RAB3C: variants seen among roughly 807,000 people sequenced by gnomAD.
The protein encoded by RAB3C is ras-related protein Rab-3C.
RAB3C carries 17 observed loss-of-function variants against 26.4 expected under a neutral mutation model. The ratio of observed to expected loss-of-function variants is 0.64; its 90% CI spans 0.44 to 0.97. RAB3C has a LOEUF of 0.97. Ranked by LOEUF, RAB3C falls within the 50% of genes least tolerant of loss-of-function variation. The pLI is 0.00. For missense variants in RAB3C, 242 were observed against 281.9 expected, an observed-to-expected ratio of 0.86 and a Z score of 1.01; for synonymous variants, 91 against 95.9, an observed-to-expected ratio of 0.95 and a Z score of 0.30.
intron 3 of RAB3C, among the ~76,000 whole-genome samples, chr5:58,736,335 T>C (rs1402614993): frequency 2.6e-5 from 4 of 152,332 alleles, no homozygotes; most frequent in East Asian, 1.9e-4. Context: ...ATACATGCAA[T>C]GTGTGTTCAA....
At chr5:58,684,735 G>A (rs1428356021) in intron 2 of RAB3C, among the ~76,000 whole-genome samples, 2 of 152,104 alleles carry the variant, frequency 1.3e-5, no homozygotes, top group Non-Finnish European at 2.9e-5. Flanking sequence ...CTGGCTTTCT[G>A]GGGGATCAGA....
chr5:58,734,441 CAG>C, intron 3 of RAB3C, among the ~76,000 whole-genome samples: 1 of 152,110 alleles, frequency 6.6e-6, no homozygotes, highest in South Asian at 2.1e-4. Context: ...ATTCTGCCCC[CAG>C]ACTCTCACCA....
At chr5:58,640,949 A>G (rs1264309614) in intron 2 of RAB3C, among the ~76,000 whole-genome samples, 1 of 152,178 alleles carries the variant, frequency 6.6e-6, no homozygotes, top group Non-Finnish European at 1.5e-5. Flanking sequence ...AGGAATAAAG[A>G]AATACATATT....
chr5:58,612,937 T>G (rs1746746006), intron 1 of RAB3C, among the ~76,000 whole-genome samples: 1 of 152,108 alleles, frequency 6.6e-6, no homozygotes, highest in Non-Finnish European at 1.5e-5. Flanking sequence ...TTTTGCCCAT[T>G]CAGTATGAAA....
chr5:58,787,976 GC>G (rs1423429904), intron 3 of RAB3C, among the ~76,000 whole-genome samples: 2 of 152,118 alleles, frequency 1.3e-5, no homozygotes, highest in African/African-American at 2.4e-5. Context: ...TGCAGATAAA[GC>G]CCAAAATACA....
chr5:58,731,089 G>A (rs749617660), intron 3 of RAB3C, among the ~76,000 whole-genome samples: 18 of 152,062 alleles, frequency 1.2e-4, no homozygotes, highest in East Asian at 1.9e-4. Flanking sequence ...CCCATGACAC[G>A]TGGGAATTAT....
intron 2 of RAB3C, among the ~76,000 whole-genome samples, chr5:58,720,278 T>C (rs1379068794): frequency 6.6e-6 from 1 of 151,958 alleles, no homozygotes; most frequent in Non-Finnish European, 1.5e-5. Flanking sequence ...TCTCAATGTG[T>C]AGAATTTTAA....
chr5:58,630,312 CT>C (rs1747162058), intron 2 of RAB3C, among the ~76,000 whole-genome samples: 1 of 152,138 alleles, frequency 6.6e-6, no homozygotes, highest in Non-Finnish European at 1.5e-5. Context: ...ATTTTTTGAA[CT>C]CATTTCACCC....
chr5:58,712,981 C>T (rs752848329), intron 2 of RAB3C, among the ~76,000 whole-genome samples: 3 of 152,040 alleles, frequency 2.0e-5, no homozygotes, highest in Non-Finnish European at 4.4e-5. Flanking sequence ...CAAATTCTGA[C>T]ATGAAGGGAT....
At chr5:58,596,628 A>G (rs1196308766) in intron 1 of RAB3C, among the ~76,000 whole-genome samples, 1 of 107,916 alleles carries the variant, frequency 9.3e-6, no homozygotes, top group African/African-American at 3.7e-5. Flanking sequence ...TATATAATAC[A>G]TAATATATAA....
chr5:58,824,641 G>T (rs1375618727), intron 3 of RAB3C, among the ~76,000 whole-genome samples: 1 of 152,170 alleles, frequency 6.6e-6, no homozygotes, highest in Non-Finnish European at 1.5e-5. Context: ...ATCTCAGTTT[G>T]CCTGAAACGG....
intron 2 of RAB3C, among the ~76,000 whole-genome samples, chr5:58,721,908 GACTT>G (rs1740777183): frequency 6.6e-6 from 1 of 151,626 alleles, no homozygotes. Context: ...CCCTTGCTGT[GACTT>G]ACGTACTATC....
chr5:58,612,231 A>G (rs903362148), intron 1 of RAB3C, among the ~76,000 whole-genome samples: 1 of 151,972 alleles, frequency 6.6e-6, no homozygotes, highest in African/African-American at 2.4e-5. Flanking sequence ...TTTTGGTTCA[A>G]TATGAATTTT....
At chr5:58,764,401 C>T (rs528437735) in intron 3 of RAB3C, among the ~76,000 whole-genome samples, 7 of 152,308 alleles carry the variant, frequency 4.6e-5, no homozygotes, top group African/African-American at 1.2e-4. Context: ...CACATGATCA[C>T]TTGTGCAATT....
At chr5:58,729,820 A>G (rs1308476346) in intron 3 of RAB3C, among the ~76,000 whole-genome samples, 1 of 145,664 alleles carries the variant, frequency 6.9e-6, no homozygotes, top group East Asian at 2.0e-4. Flanking sequence ...CATATACTAT[A>G]TGTATATTTA....
chr5:58,704,600 AT>A (rs1579869079), intron 2 of RAB3C, among the ~76,000 whole-genome samples: 1 of 152,164 alleles, frequency 6.6e-6, no homozygotes, highest in East Asian at 1.9e-4. Context: ...TCTGTGCTGA[AT>A]GTATCTGGGG....
intron 2 of RAB3C, among the ~76,000 whole-genome samples, chr5:58,705,400 G>A (rs1278255062): frequency 6.6e-6 from 1 of 152,096 alleles, no homozygotes; most frequent in Non-Finnish European, 1.5e-5. Flanking sequence ...TTGCAATACT[G>A]TTATTAAGTG....
intron 3 of RAB3C, among the ~76,000 whole-genome samples, chr5:58,752,390 A>G (rs1350816331): frequency 6.6e-6 from 1 of 152,148 alleles, no homozygotes; most frequent in Non-Finnish European, 1.5e-5. Context: ...CCAAAGGAAC[A>G]TCCTTGAAAA....
chr5:58,727,031 T>G (rs293004), intron 3 of RAB3C, among the ~76,000 whole-genome samples: 57,624 of 151,846 alleles, frequency 0.38, 11,165 homozygotes, highest in Non-Finnish European at 0.42. Context: ...TAGGACTGAC[T>G]GAAGAAATAC....
Sources: gnomAD v4.1 joint callset for allele counts (sites outside exome capture counted in the v4.1 genomes callset) on GRCh38, gnomAD v4.1.1 for gene constraint, MANE v1.5 for transcripts, NCBI Gene and HGNC (gene_info 2026-07-23, HGNC 2026-07-21) for gene names.